Variants in CISTR observed in about 807,000 individuals in gnomAD.
CISTR encodes the protein chondrogenesis-associated transcript, also known as chondrogenic regulator lncRNA.
At chr12:53,747,152 T>A (rs1455598266) in intron 2 of CISTR, among the ~76,000 whole-genome samples, 2 of 152,192 alleles carry the variant, frequency 1.3e-5, no homozygotes, top group African/African-American at 4.8e-5. Flanking sequence ...GTGACATTCC[T>A]GGAGAAAATG....
Position 53,751,877 on chromosome 12 carries a change from C to G in CISTR, n.415-912G>C, listed in dbSNP as rs1205308031. 2.0e-5 allele frequency: 3 copies of G among 152,998 alleles called. No homozygotes were observed. The highest frequency in any genetic ancestry group is 7.2e-5 in the African/African-American group (3 of 41,430). 9.5% of individuals were successfully genotyped at this position (152,998 alleles called of 1,614,324 possible). On this transcript the variant is annotated intron_variant and non_coding_transcript_variant, in intron 1 of 2. Coordinates refer to ENST00000669269, the Ensembl canonical transcript of CISTR. The surrounding 1 kb of genome is among the most constrained non-coding windows in gnomAD (Gnocchi z 4.6). ...TCTCTCTCCCGCCTCTTTTCCTCCC[C>G]CGCTCCCTCTCTCCTTGCGGCTGAC...
chr12:53,755,342 T>TGG (rs1488432030), intron 1 of CISTR, among the ~76,000 whole-genome samples: 2 of 150,252 alleles, frequency 1.3e-5, no homozygotes, highest in Non-Finnish European at 3.0e-5. Context: ...TGTGTGTGTG[T>TGG]GGTAGGAAAT....
chr12:53,752,992 C>T (rs2120738008), intron 1 of CISTR, among the ~76,000 whole-genome samples: 1 of 151,856 alleles, frequency 6.6e-6, no homozygotes, highest in South Asian at 2.1e-4. Context: ...GACTCCTGCA[C>T]CAAGGCAGGA....
At chr12:53,750,232 G>T (rs923080219) in intron 2 of CISTR, among the ~76,000 whole-genome samples, 4 of 152,330 alleles carry the variant, frequency 2.6e-5, no homozygotes, top group African/African-American at 9.6e-5. Context: ...CATCAGGGAA[G>T]GCTGCTAGGA....
At chr12:53,750,335 A>G (rs1200763248) in exon 2 of CISTR, 1 of 152,606 alleles carries the variant, frequency 6.6e-6, no homozygotes, top group Non-Finnish European at 1.5e-5. Context: ...GATGGTGCTG[A>G]GGCAGGTGAG....
At chr12:53,747,355 C>T (rs1212211008) in intron 2 of CISTR, among the ~76,000 whole-genome samples, 1 of 152,204 alleles carries the variant, frequency 6.6e-6, no homozygotes, top group African/African-American at 2.4e-5. Flanking sequence ...CCCTCCCACC[C>T]ACCAGGCTGC....
At chr12:53,750,153 A>G (rs1387207005) in intron 2 of CISTR, among the ~76,000 whole-genome samples, 1 of 152,202 alleles carries the variant, frequency 6.6e-6, no homozygotes, top group Non-Finnish European at 1.5e-5. Context: ...TACCCCGTTG[A>G]CATTCACCAC....
rs1284540302 is a variant in CISTR at position 53,751,271 on chromosome 12, G to A, written n.415-306C>T. ...TCCGCACCTCCCAACGCCTGCAGGGGTTGGGGGCGCTGGGGCTCGGGGCGC... is the reference window on the plus strand; with the variant it reads ...TCCGCACCTCCCAACGCCTGCAGGGATTGGGGGCGCTGGGGCTCGGGGCGC... On this transcript the variant is annotated intron_variant and non_coding_transcript_variant, in intron 1 of 2. Coordinates refer to ENST00000669269, the Ensembl canonical transcript of CISTR. This position sits in a 1 kb window ranked among gnomAD's most constrained non-coding sequence, Gnocchi z 4.6. 6.6e-6 allele frequency among the ~76,000 whole-genome samples: 1 copy of A among 152,092 alleles called. No individual in the cohort carries two copies. Among genetic ancestry groups the A allele is most frequent in the African/African-American group, 2.4e-5 (1 of 41,414 alleles).
chr12:53,752,825 T>C (rs1937870760), intron 1 of CISTR, among the ~76,000 whole-genome samples: 1 of 152,192 alleles, frequency 6.6e-6, no homozygotes, highest in African/African-American at 2.4e-5. Context: ...GGAAACCATG[T>C]GGACTGGCAC....
chr12:53,752,785 G>A (rs933809638), intron 1 of CISTR, among the ~76,000 whole-genome samples: 1 of 152,200 alleles, frequency 6.6e-6, no homozygotes, highest in Non-Finnish European at 1.5e-5. Context: ...AAGAAGGGAG[G>A]ACCGGGATTG....
Position 53,756,681 on chromosome 12 carries a change from A to C in CISTR, n.414+133T>G, listed in dbSNP as rs1937916783. The C allele has an allele frequency of 6.6e-6, 1 of 151,914 alleles. No individual in the cohort carries two copies. Among genetic ancestry groups the C allele is most frequent in the Admixed American group, 6.6e-5 (1 of 15,106 alleles). The allele number at this position is 151,914 out of a possible 1,614,324, so 9.4% of individuals were successfully genotyped here. A position where few individuals can be genotyped will look rare whatever the true frequency, so the allele number is the denominator to read the frequency against. ...AGCTAACTCTCATGATTCACTGTTT[A>C]GTGCTCTTTCCTCAGTCAGAGTCAG... On this transcript the variant is annotated intron_variant and non_coding_transcript_variant, in intron 1 of 2. Transcript: ENST00000669269. This position sits in a 1 kb window ranked among gnomAD's most constrained non-coding sequence, Gnocchi z 4.0.
chr12:53,755,308 G>GGT (rs3058893), intron 1 of CISTR, among the ~76,000 whole-genome samples: 34,039 of 147,046 alleles, frequency 0.23, 4,104 homozygotes, highest in African/African-American at 0.32. Flanking sequence ...TCCTGTTTGG[G>GGT]GTGTGTGTGT....
At chr12:53,752,020 C>T (rs904531492) in intron 1 of CISTR, among the ~76,000 whole-genome samples, 7 of 151,922 alleles carry the variant, frequency 4.6e-5, no homozygotes, top group African/African-American at 7.3e-5. Context: ...TTCTCCTGGA[C>T]TTTCTCCGCC....
chr12:53,754,254 A>G (rs780713645), intron 1 of CISTR: 2 of 152,224 alleles, frequency 1.3e-5, no homozygotes, highest in Non-Finnish European at 2.9e-5. Context: ...TCACCTTCAA[A>G]GGGTTCGATA....
chr12:53,747,255 G>A (rs11170675), intron 2 of CISTR, among the ~76,000 whole-genome samples: 5,926 of 152,230 alleles, frequency 0.039, 319 homozygotes, highest in East Asian at 0.26. Context: ...TGGATTGGCA[G>A]GAGCCAGGAG....
At chr12:53,746,713 T>C (rs914122318) in exon 3 of CISTR, among the ~76,000 whole-genome samples, 1 of 152,178 alleles carries the variant, frequency 6.6e-6, no homozygotes. Flanking sequence ...CTTGCCTGGA[T>C]TCCAGACAGC....
At chr12:53,747,058 G>A (rs188240432) in intron 2 of CISTR, among the ~76,000 whole-genome samples, 8 of 152,310 alleles carry the variant, frequency 5.3e-5, no homozygotes, top group Non-Finnish European at 1.2e-4. Context: ...ATTGAACAGA[G>A]GGCAATTTCT....
Position 53,756,785 on chromosome 12 carries a change from G to T in CISTR, n.414+29C>A, listed in dbSNP as rs1359362556. The stretch of plus-strand genomic sequence containing the variant: ...GGGGGGATGAGATGGGAGGAAGTGG[G>T]GTAGGGAGCAGGGGATCTGGGGAGG... On this transcript the variant is annotated intron_variant and non_coding_transcript_variant, in intron 1 of 2. Transcript: ENST00000669269. This position sits in a 1 kb window ranked among gnomAD's most constrained non-coding sequence, Gnocchi z 4.0. 1.4e-5 allele frequency: 2 copies of T among 145,604 alleles called. No homozygotes were observed. The highest frequency in any genetic ancestry group is 3.0e-5 in the Non-Finnish European group (2 of 66,084). 9.0% of individuals were successfully genotyped at this position (145,604 alleles called of 1,614,324 possible). A position where few individuals can be genotyped will look rare whatever the true frequency, so the allele number is the denominator to read the frequency against.
At chr12:53,752,927 A>C (rs1167747287) in intron 1 of CISTR, among the ~76,000 whole-genome samples, 3 of 152,252 alleles carry the variant, frequency 2.0e-5, no homozygotes, top group African/African-American at 7.2e-5. Flanking sequence ...CTGCAGAGTC[A>C]TGGGACTGTG....
Sources: gnomAD v4.1 joint callset for allele counts (sites outside exome capture counted in the v4.1 genomes callset) on GRCh38, gnomAD v4.1.1 for gene constraint, Gnocchi (gnomAD v3.1) non-coding constraint, MANE v1.5 for transcripts, NCBI Gene and HGNC (gene_info 2026-07-23, HGNC 2026-07-21) for gene names.